Variants in PPP6R3 observed in about 807,000 individuals in gnomAD.
The protein encoded by PPP6R3 is serine/threonine-protein phosphatase 6 regulatory subunit 3.
Under a neutral mutation model 110.7 loss-of-function variants are expected in PPP6R3, and 38 were observed. That is an observed-to-expected ratio of 0.34 (90% confidence interval 0.26 to 0.45). The LOEUF is 0.45. Ranked by LOEUF, PPP6R3 falls within the 20% of genes least tolerant of loss-of-function variation. PPP6R3 has a pLI of 1.00. For missense variants in PPP6R3, 870 were observed against 1,062.4 expected, an observed-to-expected ratio of 0.82 and a Z score of 2.52; for synonymous variants, 369 against 373.5, an observed-to-expected ratio of 0.99 and a Z score of 0.14.
chr11:68,470,224 C>T (rs369102186), intron 1 of PPP6R3, among the ~76,000 whole-genome samples: 1 of 152,016 alleles, frequency 6.6e-6, no homozygotes, highest in East Asian at 1.9e-4. Context: ...AAAAGTAAAC[C>T]AGGAGAGGTG....
intron 3 of PPP6R3, among the ~76,000 whole-genome samples, chr11:68,544,128 C>T (rs971244453): frequency 8.5e-5 from 13 of 152,192 alleles, no homozygotes; most frequent in African/African-American, 3.1e-4. Context: ...CACAAGGTCT[C>T]ACTCTTGCCC....
intron 23 of PPP6R3, 148 bp downstream of exon 23, chr11:68,610,171 T>G (rs972131507): frequency 1.8e-6 from 2 of 1,128,032 alleles, no homozygotes; most frequent in Admixed American, 2.9e-5. Flanking sequence ...TTCTCAGTCC[T>G]TAATGAGCTG....
At chr11:68,609,633 G>A (rs1356099944) in intron 22 of PPP6R3, 3 of 1,552,844 alleles carry the variant, frequency 1.9e-6, no homozygotes, top group Non-Finnish European at 2.6e-6. Context: ...CTATCGGTAT[G>A]TACAGTGTTA....
At position 68,542,389 on chromosome 11, in the gene PPP6R3, G is replaced by GT. The variant is rs34666175; in HGVS notation, c.228-2427dup. Among the ~76,000 whole-genome samples the GT allele has an allele frequency of 2.6e-3, 105 of 40,208 alleles. 9 individuals are homozygous for GT. The East Asian group carries it at 0.043, about 16-fold the overall frequency. The allele number at this position is 40,208 out of a possible 152,430, so 26.4% of individuals were successfully genotyped here. ...ATCTTTGGGTGCTTGAGAAGCTGCT[G>GT]TTTTTTTTTTTTTTTTTTTTTTAAG... On this transcript the variant is annotated intron_variant, in intron 3 of 23. Transcript: ENST00000393800.
At chr11:68,472,197 G>T (rs1219173360) in intron 1 of PPP6R3, among the ~76,000 whole-genome samples, 1 of 152,174 alleles carries the variant, frequency 6.6e-6, no homozygotes, top group East Asian at 1.9e-4. Flanking sequence ...AGGCCAGGAA[G>T]TGATGATGTT....
intron 20 of PPP6R3, 134 bp downstream of exon 20, chr11:68,600,628 C>T: frequency 4.1e-6 from 4 of 964,556 alleles, no homozygotes; most frequent in Non-Finnish European, 4.5e-6. Context: ...GATTAAACAT[C>T]AGCATACTAA....
At chr11:68,544,328 A>G (rs17149166) in intron 3 of PPP6R3, among the ~76,000 whole-genome samples, 2,077 of 152,316 alleles carry the variant, frequency 0.014, 57 homozygotes, top group African/African-American at 0.047. Context: ...AAGATGTAAT[A>G]TAGACTTAGT....
intron 2 of PPP6R3, among the ~76,000 whole-genome samples, chr11:68,532,086 G>A (rs955528464): frequency 6.6e-6 from 1 of 152,222 alleles, no homozygotes; most frequent in Non-Finnish European, 1.5e-5. Flanking sequence ...CCAGTTCCTA[G>A]TTCCTGTGTC....
chr11:68,542,391 T>TTTTTTTTTTTTTTG (rs2099322657), intron 3 of PPP6R3, among the ~76,000 whole-genome samples: 1 of 96,948 alleles, frequency 1.0e-5, no homozygotes, highest in Admixed American at 1.1e-4. Flanking sequence ...AAGCTGCTGT[T>TTTTTTTTTTTTTTG]TTTTTTTTTT....
intron 1 of PPP6R3, among the ~76,000 whole-genome samples, chr11:68,518,768 G>A (rs1214791834): frequency 6.6e-6 from 1 of 152,130 alleles, no homozygotes; most frequent in Non-Finnish European, 1.5e-5. Context: ...TCACAATGTA[G>A]TATGAGTTTT....
intron 1 of PPP6R3, among the ~76,000 whole-genome samples, chr11:68,472,159 C>T (rs2098796576): frequency 6.6e-6 from 1 of 152,002 alleles, no homozygotes; most frequent in East Asian, 1.9e-4. Context: ...TTGTGGTTTC[C>T]CTAATCAGAA....
chr11:68,613,120 G>T lies in PPP6R3; in HGVS notation c.*3G>T, dbSNP rs1165636607. Reference sequence around the variant, plus strand: ...CTTCAGTGAATGGCCCTGTATGACGGGTGACGTCTGCTGCTGCTGACTGAG... The same window carrying T: ...CTTCAGTGAATGGCCCTGTATGACGTGTGACGTCTGCTGCTGCTGACTGAG... On this transcript the variant is annotated 3_prime_UTR_variant, in exon 24 of 24. Coordinates refer to ENST00000393800, the MANE Select transcript of PPP6R3 (RefSeq NM_001164161.2). 1 of 1,614,008 alleles carries T rather than the reference G, an allele frequency of 6.2e-7. No individual in the cohort carries two copies. Among genetic ancestry groups the T allele is most frequent in the Non-Finnish European group, 8.5e-7 (1 of 1,179,980 alleles).
intron 12 of PPP6R3, among the ~76,000 whole-genome samples, chr11:68,573,340 G>A (rs1565937333): frequency 6.6e-6 from 1 of 151,198 alleles, no homozygotes; most frequent in Non-Finnish European, 1.5e-5. Context: ...TAGTAGAGAT[G>A]GGGTTTTGCC....
At chr11:68,532,197 G>A (rs1178327301) in intron 2 of PPP6R3, among the ~76,000 whole-genome samples, 3 of 152,132 alleles carry the variant, frequency 2.0e-5, no homozygotes, top group African/African-American at 4.8e-5. Context: ...TATCATGAAG[G>A]TTTTAAAATA....
Position 68,596,214 on chromosome 11 carries a change from T to G in PPP6R3, c.2034T>G (p.Ser678Arg), listed in dbSNP as rs755793665. Residue 678 changes from serine to arginine, a missense_variant, in exon 19 of 24, where the codon AGT becomes AGG. Ser to Arg is a moderately radical substitution (Grantham distance 110). Coordinates refer to ENST00000393800, the MANE Select transcript of PPP6R3 (RefSeq NM_001164161.2). The part of the protein sequence containing the change: ...NTEDKMEVDL[S>R]EPPNWSANFD... The stretch of plus-strand genomic sequence containing the variant: ...AGGATAAAATGGAGGTGGACCTGAG[T>G]GAACGTAAGTGGATTCATTCTTCAG... 1.2e-6 allele frequency: 2 copies of G among 1,614,012 alleles called. No homozygotes were observed. Among genetic ancestry groups the G allele is most frequent in the Admixed American group, 1.7e-5 (1 of 59,996 alleles).
At chr11:68,611,813 G>A (rs1032400553) in intron 23 of PPP6R3, among the ~76,000 whole-genome samples, 4 of 152,186 alleles carry the variant, frequency 2.6e-5, no homozygotes, top group South Asian at 2.1e-4. Context: ...CTAAAGTGAC[G>A]TATGACAGCA....
intron 14 of PPP6R3, among the ~76,000 whole-genome samples, chr11:68,581,690 A>G (rs1299330948): frequency 6.6e-6 from 1 of 151,804 alleles, no homozygotes; most frequent in Admixed American, 6.6e-5. Context: ...CCTCCTCTAC[A>G]CTCTGGCAAG....
At chr11:68,484,921 A>G (rs2098936884) in intron 1 of PPP6R3, among the ~76,000 whole-genome samples, 1 of 152,168 alleles carries the variant, frequency 6.6e-6, no homozygotes, top group Non-Finnish European at 1.5e-5. Context: ...GTTGATTATC[A>G]AATGTGTTGT....
At chr11:68,475,674 C>G (rs547118306) in intron 1 of PPP6R3, among the ~76,000 whole-genome samples, 3 of 120,200 alleles carry the variant, frequency 2.5e-5, no homozygotes, top group Non-Finnish European at 5.5e-5. Flanking sequence ...GCTGGCCGGG[C>G]GGGGGCTGCC....
Sources: gnomAD v4.1 joint callset for allele counts (sites outside exome capture counted in the v4.1 genomes callset) on GRCh38, gnomAD v4.1.1 for gene constraint, MANE v1.5 for transcripts, NCBI Gene and HGNC (gene_info 2026-07-23, HGNC 2026-07-21) for gene names.